The following VPS13C variants were observed in gnomAD, a reference collection of about 807,000 sequenced individuals.
The protein encoded by VPS13C is vacuolar protein sorting 13 homolog C.
VPS13C carries 358 observed loss-of-function variants against 456.8 expected under a neutral mutation model. That is an observed-to-expected ratio of 0.78 (90% CI 0.72 to 0.86). VPS13C has a LOEUF of 0.86. VPS13C is among the 40% of genes least tolerant of loss of function. VPS13C has a pLI of 0.00. For missense variants in VPS13C, 4,818 were observed against 4,385.4 expected (o/e 1.10, Z -2.79); for synonymous variants, 1,578 against 1,486.7 (o/e 1.06, Z -1.41).
At chr15:61,865,262 A>C (rs17303866) in intron 81 of VPS13C, 30,420 of 982,864 alleles carry the variant, frequency 0.031, 922 homozygotes, top group East Asian at 0.21. Context: ...ACAAGATATA[A>C]AAAAGCAAAA....
At chr15:62,016,378 C>A (rs537136116) in intron 9 of VPS13C, among the ~76,000 whole-genome samples, 2 of 151,776 alleles carry the variant, frequency 1.3e-5, no homozygotes, top group African/African-American at 4.8e-5. Flanking sequence ...CCCATTAACT[C>A]GTCATTTACA....
chr15:61,963,399 C>T (rs2045276126), intron 32 of VPS13C, among the ~76,000 whole-genome samples: 1 of 151,740 alleles, frequency 6.6e-6, no homozygotes, highest in African/African-American at 2.4e-5. Flanking sequence ...ATATTGTCAC[C>T]ATTATAAGAT....
At chr15:61,947,512 T>G (rs2044647474) in intron 42 of VPS13C, among the ~76,000 whole-genome samples, 1 of 152,082 alleles carries the variant, frequency 6.6e-6, no homozygotes, top group Admixed American at 6.6e-5. Flanking sequence ...CCCCTTCAAA[T>G]TAAGAATAAA....
chr15:61,902,249 CTT>C (rs2043022840), intron 66 of VPS13C, among the ~76,000 whole-genome samples: 1 of 146,666 alleles, frequency 6.8e-6, no homozygotes, highest in Non-Finnish European at 1.5e-5. Flanking sequence ...TACCCTAAAA[CTT>C]AAAGTATAAT....
chr15:62,024,075 T>C (rs528442056), intron 6 of VPS13C, among the ~76,000 whole-genome samples: 10 of 152,008 alleles, frequency 6.6e-5, no homozygotes, highest in Admixed American at 2.0e-4. Context: ...AGAAAATAAA[T>C]TGGCAGGTGT....
chr15:62,006,336 T>C (rs1185883244), intron 15 of VPS13C, among the ~76,000 whole-genome samples: 2 of 152,078 alleles, frequency 1.3e-5, no homozygotes, highest in African/African-American at 4.8e-5. Flanking sequence ...TTCCCACCTA[T>C]GAGTGAGAAT....
intron 4 of VPS13C, among the ~76,000 whole-genome samples, chr15:62,034,706 A>T (rs2047927016): frequency 6.6e-6 from 1 of 151,926 alleles, no homozygotes; most frequent in Non-Finnish European, 1.5e-5. Context: ...TTGCAAAACA[A>T]GTACTCTTAG....
intron 80 of VPS13C, 69 bp downstream of exon 80, chr15:61,869,431 C>G: frequency 6.5e-7 from 1 of 1,542,334 alleles, no homozygotes; most frequent in Non-Finnish European, 8.9e-7. Context: ...ATAATCTAAT[C>G]TATTTATGTA....
chr15:62,010,643 A>G, intron 12 of VPS13C, 44 bp from the exon 13 acceptor site: 1 of 1,512,508 alleles, frequency 6.6e-7, no homozygotes, highest in African/African-American at 1.4e-5. Flanking sequence ...ATATGCTTTT[A>G]CATATAAACA....
intron 82 of VPS13C, among the ~76,000 whole-genome samples, chr15:61,860,882 G>T (rs1894182963): frequency 6.6e-6 from 1 of 151,394 alleles, no homozygotes; most frequent in Non-Finnish European, 1.5e-5. Flanking sequence ...ATTACATAGG[G>T]ACAAAACGTG....
At chr15:61,984,063 C>A (rs539857342) in intron 19 of VPS13C, 51 bp from the exon 20 acceptor site, 37 of 1,523,214 alleles carry the variant, frequency 2.4e-5, no homozygotes, top group Admixed American at 1.1e-4. Flanking sequence ...CTTTTGTAAT[C>A]TAATGGACTA....
At position 61,982,530 on chromosome 15, in the gene VPS13C, C is replaced by T. The variant is rs750143458; in HGVS notation, c.1958G>A (p.Gly653Glu). The change falls in exon 21 of 85, where the codon GGA (glycine) becomes GAA (glutamate). Residue 653 changes from glycine to glutamate, a missense_variant. This residue lies in a region of VPS13C where 4,552 missense variants were observed against 4,130.6 expected (regional missense o/e 1.10). Coordinates refer to ENST00000644861, the MANE Select transcript of VPS13C (RefSeq NM_020821.3). ...TGATGTTATTTGCTCAAGATCCAATCCCTTATTTGATTGAAAGAATTCAAC... is the reference window on the plus strand; with the variant it reads ...TGATGTTATTTGCTCAAGATCCAATTCCTTATTTGATTGAAAGAATTCAAC... Reference protein sequence around the residue: ...AVVEFFQSNKGLDLEQITSAT... With the variant: ...AVVEFFQSNKELDLEQITSAT... The T allele has an allele frequency of 6.2e-7, 1 of 1,609,774 alleles. No homozygotes were observed. Among genetic ancestry groups the T allele is most frequent in the Non-Finnish European group, 8.5e-7 (1 of 1,178,774 alleles).
chr15:61,888,918 T>C lies in VPS13C; in HGVS notation c.9341+1247A>G, dbSNP rs1896466921. The stretch of plus-strand genomic sequence containing the variant: ...ATATTAGCTCATCAATAGTAACAAA[T>C]GTACCACACTACTGCAAGATGTTAG... On this transcript the variant is annotated intron_variant, in intron 67 of 84. Coordinates refer to ENST00000644861, the MANE Select transcript of VPS13C (RefSeq NM_020821.3). Among the ~76,000 whole-genome samples the C allele has an allele frequency of 2.0e-5, 3 of 152,080 alleles. No individual in the cohort carries two copies. The South Asian group carries it at 6.2e-4, about 32-fold the overall frequency.
chr15:61,921,566 A>G (rs1455543876), intron 55 of VPS13C, among the ~76,000 whole-genome samples: 1 of 152,138 alleles, frequency 6.6e-6, no homozygotes, highest in Non-Finnish European at 1.5e-5. Context: ...AAAATTAAAA[A>G]TTCATTTAAA....
intron 66 of VPS13C, among the ~76,000 whole-genome samples, chr15:61,893,606 G>A (rs896027361): frequency 4.7e-5 from 7 of 150,464 alleles, no homozygotes; most frequent in African/African-American, 1.5e-4. Context: ...CATAATTGTG[G>A]TGTATAATCC....
At chr15:62,033,814 T>G (rs1244138871) in intron 4 of VPS13C, among the ~76,000 whole-genome samples, 1 of 151,200 alleles carries the variant, frequency 6.6e-6, no homozygotes, top group Non-Finnish European at 1.5e-5. Flanking sequence ...AGAACAAAGA[T>G]AAGAAGTAGA....
At chr15:61,913,007 C>T (rs1042097404) in intron 62 of VPS13C, among the ~76,000 whole-genome samples, 13 of 150,514 alleles carry the variant, frequency 8.6e-5, no homozygotes, top group African/African-American at 2.2e-4. Context: ...GTTAGAATGG[C>T]GATCATTAAA....
At chr15:61,932,807 T>C (rs577465265) in intron 49 of VPS13C, among the ~76,000 whole-genome samples, 1 of 152,348 alleles carries the variant, frequency 6.6e-6, no homozygotes, top group South Asian at 2.1e-4. Context: ...AGCAATGACC[T>C]GAGACACATC....
chr15:61,974,446 C>A, intron 24 of VPS13C, 29 bp from the exon 25 acceptor site: 1 of 1,606,476 alleles, frequency 6.2e-7, no homozygotes, highest in South Asian at 1.1e-5. Flanking sequence ...GGTTTTAAGT[C>A]AGCATCTCTA....
Sources: gnomAD v4.1 joint callset for allele counts (sites outside exome capture counted in the v4.1 genomes callset) on GRCh38, gnomAD v4.1.1 for gene constraint, gnomAD v4.1.1 regional missense constraint, MANE v1.5 for transcripts, NCBI Gene and HGNC (gene_info 2026-07-23, HGNC 2026-07-21) for gene names.